SHMT1: variants seen among roughly 807,000 people sequenced by gnomAD.
SHMT1 encodes the protein serine hydroxymethyltransferase, cytosolic.
SHMT1 carries 45 observed loss-of-function variants against 49.0 expected under a neutral mutation model. That is an observed-to-expected ratio of 0.92 (90% CI 0.72 to 1.18). The LOEUF (loss-of-function observed/expected upper bound fraction) is 1.18, where lower values mean the gene tolerates loss of function less well. Ranked by LOEUF, SHMT1 falls within the 50% of genes most tolerant of loss-of-function variation. The pLI, the probability that SHMT1 is intolerant of heterozygous loss-of-function variation, is 0.00. For missense variants in SHMT1, 541 were observed against 612.4 expected (o/e 0.88, Z 1.23); for synonymous variants, 232 against 246.6 (o/e 0.94, Z 0.55).
chr17:18,340,123 A>G lies in SHMT1; in HGVS notation c.734T>C (p.Phe245Ser), dbSNP rs1404097254. ...LVAAGVVPSP[F>S]EHCHVVTTTT... is the part of the protein sequence containing the mutation. ...GGTGGTCACCACATGGCAGTGTTCA[A>G]ATGGGGAGGGCACCACGCCAGCCGC... is the stretch of plus-strand genomic sequence containing the variant. The change falls in exon 7 of 12, where the codon TTT becomes TCT. Residue 245 changes from phenylalanine (F) to serine (S), a missense_variant. By Grantham distance (155) the Phe-to-Ser change is radical (BLOSUM62 -2). Coordinates refer to ENST00000316694, the MANE Select transcript of SHMT1 (RefSeq NM_004169.5). This position sits in a 1 kb window ranked among gnomAD's most constrained non-coding sequence, Gnocchi z 4.5. 2 of 1,614,170 alleles carry G rather than the reference A, an allele frequency of 1.2e-6. No individual in the cohort carries two copies. The highest frequency in any genetic ancestry group is 1.7e-6 in the Non-Finnish European group (2 of 1,180,038).
At chr17:18,336,861 G>A (rs1395930434) in intron 7 of SHMT1, among the ~76,000 whole-genome samples, 1 of 151,900 alleles carries the variant, frequency 6.6e-6, no homozygotes, top group African/African-American at 2.4e-5. Context: ...TAGGAGGATT[G>A]CTTGGGCCCG....
intron 11 of SHMT1, 40 bp from the exon 12 acceptor site, chr17:18,328,959 A>G: frequency 1.2e-6 from 2 of 1,610,906 alleles, no homozygotes; most frequent in Non-Finnish European, 1.7e-6. Flanking sequence ...CACACTACAC[A>G]CCAAAGGGGG....
chr17:18,351,226 C>T (rs1196816998), intron 3 of SHMT1, among the ~76,000 whole-genome samples: 2 of 151,976 alleles, frequency 1.3e-5, no homozygotes, highest in South Asian at 4.2e-4. Context: ...CTGCAAACTC[C>T]ACCTCCCAGG....
chr17:18,357,629 G>A (rs1048470605), intron 1 of SHMT1, among the ~76,000 whole-genome samples: 3 of 152,034 alleles, frequency 2.0e-5, no homozygotes, highest in Non-Finnish European at 1.5e-5. Flanking sequence ...ATCTCTGTAC[G>A]ATTTTTGAAT....
rs1220173564 is a variant in SHMT1, at chr17:18,328,650, C to A, written c.*100G>T. ...CCCCCTCAAAGGGCCCGAGTGTCAA[C>A]AGTTCCCCTTTGGAGCAGCTCATCC... On this transcript the variant is annotated 3_prime_UTR_variant, in exon 12 of 12. Coordinates refer to ENST00000316694, the MANE Select transcript of SHMT1 (RefSeq NM_004169.5). 4 of 1,335,256 alleles carry A rather than the reference C, an allele frequency of 3.0e-6. No individual in the cohort carries two copies. The highest frequency in any genetic ancestry group is 4.2e-6 in the Non-Finnish European group (4 of 962,602). The allele number at this position is 1,335,256 out of a possible 1,614,324, so 82.7% of individuals were successfully genotyped here. A position where few individuals can be genotyped will look rare whatever the true frequency, so the allele number is the denominator to read the frequency against.
chr17:18,330,703 G>C (rs1490477719), intron 9 of SHMT1, 32 bp from the exon 10 acceptor site: 3 of 1,465,554 alleles, frequency 2.0e-6, no homozygotes, highest in Non-Finnish European at 2.9e-6. Context: ...TAGAAATGCA[G>C]GCGAATTCTA....
intron 7 of SHMT1, 39 bp from the exon 8 acceptor site, chr17:18,335,714 T>C (rs866566006): frequency 3.5e-6 from 5 of 1,409,592 alleles, no homozygotes; most frequent in Non-Finnish European, 5.0e-6. Context: ...TCATAGGGGC[T>C]GTCCCCTCTT....
rs1567784817 is a variant in SHMT1 at position 18,347,538 on chromosome 17, T to C, written c.477A>G (p.Lys159=). The change falls in exon 5 of 12, where the codon AAA becomes AAG. Residue 159 remains lysine (K), a synonymous_variant. Coordinates refer to ENST00000316694, the MANE Select transcript of SHMT1 (RefSeq NM_004169.5). ...CAAAGAAGATGGACGTGGCAGAGAT[T>C]TTCTTCTTGTCTGTCATGAACCCAT... ...LTHGFMTDKK[K]ISATSIFFES... 2 of 1,614,098 alleles carry C rather than the reference T, an allele frequency of 1.2e-6. No homozygotes were observed. The highest frequency in any genetic ancestry group is 3.3e-5 in the Admixed American group (2 of 59,998).
intron 3 of SHMT1, among the ~76,000 whole-genome samples, chr17:18,351,767 C>T (rs996917940): frequency 7.3e-5 from 11 of 151,208 alleles, no homozygotes; most frequent in East Asian, 2.0e-4. Context: ...AGCGATACTC[C>T]GTGTAAAAAA....
At chr17:18,332,386 C>T (rs181939593) in intron 9 of SHMT1, 1 of 153,096 alleles carries the variant, frequency 6.5e-6, no homozygotes, top group East Asian at 1.9e-4. Context: ...CTCCCCAATC[C>T]TTAGATCAGA....
At chr17:18,329,592 T>C (rs997176517) in intron 10 of SHMT1, among the ~76,000 whole-genome samples, 1 of 152,200 alleles carries the variant, frequency 6.6e-6, no homozygotes. Context: ...ACTTAATTAC[T>C]AGTACACAAA....
At chr17:18,359,520 T>TA (rs1204420728) in intron 1 of SHMT1, among the ~76,000 whole-genome samples, 1 of 150,582 alleles carries the variant, frequency 6.6e-6, no homozygotes, top group Non-Finnish European at 1.5e-5. Flanking sequence ...AGCAAAAATA[T>TA]AAAAAATTAA....
At chr17:18,332,392 TC>T (rs1474761998) in intron 9 of SHMT1, 1 of 152,918 alleles carries the variant, frequency 6.5e-6, no homozygotes, top group Non-Finnish European at 1.5e-5. Context: ...AATCCTTAGA[TC>T]AGAGGGCCTG....
chr17:18,352,170 C>T (rs566147992), intron 3 of SHMT1, among the ~76,000 whole-genome samples: 91 of 44,166 alleles, frequency 2.1e-3, no homozygotes, highest in Non-Finnish European at 2.9e-3. Flanking sequence ...TTTTTTGAGA[C>T]GGAGGCTCGC....
At position 18,347,629 on chromosome 17, in the gene SHMT1, G is replaced by A. The variant is rs530716745; in HGVS notation, c.386C>T (p.Thr129Ile). The A allele has an allele frequency of 6.2e-6, 10 of 1,614,188 alleles. No homozygotes were observed. In the Middle Eastern group the frequency reaches 8.2e-4, roughly 133 times the overall value. The change falls in exon 5 of 12, where the codon ACT becomes ATT. Residue 129 changes from threonine (T) to isoleucine (I), a missense_variant. Physicochemically the swap from Thr to Ile is moderately conservative, Grantham distance 89 (BLOSUM62 -1). Coordinates refer to ENST00000316694, the MANE Select transcript of SHMT1 (RefSeq NM_004169.5). The part of the protein sequence containing the change: ...SGSPANFAVY[T>I]ALVEPHGRIM... Reference sequence around the variant, plus strand: ...GCGCCCATGGGGTTCCACCAGGGCAGTGTACACAGCAAAGTTTGCAGGGGA... The same window carrying A: ...GCGCCCATGGGGTTCCACCAGGGCAATGTACACAGCAAAGTTTGCAGGGGA...
chr17:18,334,196 C>T (rs1399720829), intron 8 of SHMT1, among the ~76,000 whole-genome samples: 2 of 152,208 alleles, frequency 1.3e-5, no homozygotes, highest in Non-Finnish European at 2.9e-5. Flanking sequence ...TCCATCTCGG[C>T]CTCCCAAAGT....
chr17:18,356,587 C>T (rs1986262757), intron 1 of SHMT1, among the ~76,000 whole-genome samples: 1 of 152,174 alleles, frequency 6.6e-6, no homozygotes, highest in South Asian at 2.1e-4. Context: ...CCTGCCTCGG[C>T]CTCCCAAAGT....
chr17:18,352,497 G>A (rs1258129574), intron 3 of SHMT1, among the ~76,000 whole-genome samples: 1 of 152,076 alleles, frequency 6.6e-6, no homozygotes, highest in Non-Finnish European at 1.5e-5. Flanking sequence ...ACATTGCTGT[G>A]AGAATCGAAT....
At chr17:18,336,014 C>G (rs562054954) in intron 7 of SHMT1, among the ~76,000 whole-genome samples, 32 of 152,322 alleles carry the variant, frequency 2.1e-4, no homozygotes, top group Non-Finnish European at 3.8e-4. Context: ...CGCGGTGGCT[C>G]ACACCTGTAA....
Sources: gnomAD v4.1 joint callset for allele counts (sites outside exome capture counted in the v4.1 genomes callset) on GRCh38, gnomAD v4.1.1 for gene constraint, Gnocchi (gnomAD v3.1) non-coding constraint, MANE v1.5 for transcripts, NCBI Gene and HGNC (gene_info 2026-07-23, HGNC 2026-07-21) for gene names.